The following PRKD1 variants were observed in gnomAD, a reference collection of about 807,000 sequenced individuals.
PRKD1 encodes the protein serine/threonine-protein kinase D1.
In PRKD1, 63 loss-of-function variants were observed where a neutral mutation model predicts 95.9. The observed-to-expected ratio is 0.66, with a 90% CI of 0.54 to 0.81. PRKD1 has a LOEUF of 0.81. Among genes scored for constraint, PRKD1 ranks in the 30% least tolerant of loss-of-function variants. The probability of loss-of-function intolerance (pLI) is 0.00; values close to 1 mark genes in which losing one functional copy is unlikely to be tolerated. For synonymous variants in PRKD1, 425 were observed against 423.1 expected, an observed-to-expected ratio of 1.00 and a Z score of -0.05; for missense variants, 1,048 against 1,165.3, an observed-to-expected ratio of 0.90 and a Z score of 1.47.
At position 29,632,922 on chromosome 14, in the gene PRKD1, C is replaced by T. The variant is rs749185204; in HGVS notation, c.1339G>A (p.Asp447Asn). ...TGAAAGAGGGTAATACATTTGCTATCCAATCTCCAATAGTGCCGTTTCCGC... is the reference window on the plus strand; with the variant it reads ...TGAAAGAGGGTAATACATTTGCTATTCAATCTCCAATAGTGCCGTTTCCGC... ...TLRKRHYWRL[D>N]SKCITLFQND... is the part of the protein sequence containing the mutation. The change falls in exon 9 of 18, where the codon GAT becomes AAT. Residue 447 changes from aspartate (D) to asparagine (N), a missense_variant. Transcript: ENST00000331968. 3 of 1,613,608 alleles carry T rather than the reference C, an allele frequency of 1.9e-6. No individual in the cohort carries two copies. Among genetic ancestry groups the T allele is most frequent in the Non-Finnish European group, 2.5e-6 (3 of 1,179,702 alleles).
At chr14:29,614,498 T>G (rs10149921) in intron 13 of PRKD1, among the ~76,000 whole-genome samples, 73,983 of 151,936 alleles carry the variant, frequency 0.49, 19,823 homozygotes, top group East Asian at 0.68. Flanking sequence ...CTAAATTTAA[T>G]TCGATTTCAT....
intron 1 of PRKD1, among the ~76,000 whole-genome samples, chr14:29,866,261 T>A (rs1892903260): frequency 6.6e-6 from 1 of 152,156 alleles, no homozygotes; most frequent in Non-Finnish European, 1.5e-5. Context: ...CTCCATCAGC[T>A]TCTTACTGAA....
intron 4 of PRKD1, among the ~76,000 whole-genome samples, chr14:29,656,020 T>C (rs1223897486): frequency 6.6e-6 from 1 of 151,986 alleles, no homozygotes; most frequent in African/African-American, 2.4e-5. Context: ...TATACTGGGA[T>C]GGTGTCCTCA....
At chr14:29,613,499 C>G (rs1878627456) in intron 13 of PRKD1, among the ~76,000 whole-genome samples, 1 of 152,112 alleles carries the variant, frequency 6.6e-6, no homozygotes, top group African/African-American at 2.4e-5. Flanking sequence ...AAATCTGTAT[C>G]CTCTGGTTTC....
At chr14:29,661,939 T>A (rs949739394) in intron 4 of PRKD1, among the ~76,000 whole-genome samples, 3 of 152,188 alleles carry the variant, frequency 2.0e-5, no homozygotes, top group African/African-American at 7.2e-5. Context: ...TACAAAAAAA[T>A]TTTAATTCAC....
chr14:29,718,163 TCCCCA>T (rs1481218747), intron 2 of PRKD1, among the ~76,000 whole-genome samples: 2 of 152,132 alleles, frequency 1.3e-5, no homozygotes, highest in Non-Finnish European at 2.9e-5. Context: ...AGGCTTCGTG[TCCCCA>T]CCCGAATCTT....
chr14:29,680,967 A>G (rs1290787548), intron 2 of PRKD1, among the ~76,000 whole-genome samples: 2 of 152,206 alleles, frequency 1.3e-5, no homozygotes, highest in African/African-American at 4.8e-5. Context: ...GGATGAATTG[A>G]GTGGCCTAAG....
chr14:29,600,019 C>T (rs181678659), intron 13 of PRKD1, among the ~76,000 whole-genome samples: 3 of 152,106 alleles, frequency 2.0e-5, no homozygotes, highest in East Asian at 1.9e-4. Flanking sequence ...ACTTTCTATG[C>T]GTAGTGAAAT....
chr14:29,916,090 C>T (rs191182072), intron 1 of PRKD1, among the ~76,000 whole-genome samples: 2 of 152,264 alleles, frequency 1.3e-5, no homozygotes, highest in Admixed American at 6.5e-5. Context: ...GTGAGAGAAA[C>T]CACCAGTTCA....
intron 1 of PRKD1, among the ~76,000 whole-genome samples, chr14:29,861,847 TTTCACCATA>T (rs1892721804): frequency 6.6e-6 from 1 of 152,096 alleles, no homozygotes; most frequent in Non-Finnish European, 1.5e-5. Context: ...AGAGATGGGA[TTTCACCATA>T]TTGGCCAGGC....
chr14:29,619,239 C>A (rs936426944), intron 13 of PRKD1, among the ~76,000 whole-genome samples: 1 of 151,824 alleles, frequency 6.6e-6, no homozygotes, highest in African/African-American at 2.4e-5. Flanking sequence ...ACTATTTTGT[C>A]TCTTCAGGTT....
At chr14:29,643,734 A>C (rs1289686154) in intron 4 of PRKD1, among the ~76,000 whole-genome samples, 1 of 152,250 alleles carries the variant, frequency 6.6e-6, no homozygotes, top group African/African-American at 2.4e-5. Flanking sequence ...AACACAGAGG[A>C]AAAGTTGCCT....
At chr14:29,774,807 T>C (rs1888663547) in intron 1 of PRKD1, among the ~76,000 whole-genome samples, 2 of 152,198 alleles carry the variant, frequency 1.3e-5, no homozygotes, top group Admixed American at 6.5e-5. Context: ...ATTTACTTCA[T>C]TCCAAAGCTT....
chr14:29,802,590 G>A (rs1044072208), intron 1 of PRKD1, among the ~76,000 whole-genome samples: 1 of 152,178 alleles, frequency 6.6e-6, no homozygotes, highest in Non-Finnish European at 1.5e-5. Flanking sequence ...CTATCAGAAT[G>A]GAAGATGTAA....
chr14:29,677,277 A>G (rs528468058), intron 2 of PRKD1, among the ~76,000 whole-genome samples: 1 of 152,146 alleles, frequency 6.6e-6, no homozygotes, highest in South Asian at 2.1e-4. Context: ...TAAACCCCCA[A>G]ACTCTGAAAA....
intron 9 of PRKD1, among the ~76,000 whole-genome samples, chr14:29,631,869 C>T (rs1880029703): frequency 6.6e-6 from 1 of 151,220 alleles, no homozygotes; most frequent in Non-Finnish European, 1.5e-5. Flanking sequence ...TGGTGCAATC[C>T]TGGCTCGCTG....
chr14:29,671,451 A>G (rs1035404121), intron 2 of PRKD1, among the ~76,000 whole-genome samples: 8 of 152,366 alleles, frequency 5.3e-5, no homozygotes, highest in African/African-American at 1.9e-4. Flanking sequence ...AAGGCTTTTC[A>G]GCTGGGTGTT....
chr14:29,795,529 G>A (rs1889775241), intron 1 of PRKD1, among the ~76,000 whole-genome samples: 1 of 152,000 alleles, frequency 6.6e-6, no homozygotes, highest in South Asian at 2.1e-4. Context: ...TTCAATATGA[G>A]TAGTATTATT....
chr14:29,656,453 C>T (rs2139191732), intron 4 of PRKD1: 2 of 1,526,740 alleles, frequency 1.3e-6, no homozygotes, highest in Admixed American at 2.0e-5. Context: ...AAATTTCTAG[C>T]ACCAGGTAGC....
Sources: gnomAD v4.1 joint callset for allele counts (sites outside exome capture counted in the v4.1 genomes callset) on GRCh38, gnomAD v4.1.1 for gene constraint, MANE v1.5 for transcripts, NCBI Gene and HGNC (gene_info 2026-07-23, HGNC 2026-07-21) for gene names.